Variants in IQCM observed in about 807,000 individuals in gnomAD.
The protein encoded by IQCM is IQ motif containing M.
Under a neutral mutation model 57.6 loss-of-function variants are expected in IQCM, and 45 were observed. The observed-to-expected ratio is 0.78, with a 90% CI of 0.62 to 1.00. The LOEUF (loss-of-function observed/expected upper bound fraction) is 1.00. IQCM is among the 50% of genes least tolerant of loss of function. The pLI is 0.00. For synonymous variants in IQCM, 148 were observed against 158.9 expected, an observed-to-expected ratio of 0.93 and a Z score of 0.51; for missense variants, 468 against 511.6, an observed-to-expected ratio of 0.91 and a Z score of 0.82.
intron 12 of IQCM, among the ~76,000 whole-genome samples, chr4:149,463,845 A>C (rs1329405288): frequency 6.6e-6 from 1 of 152,210 alleles, no homozygotes. Context: ...CAATTGTCAT[A>C]CCAGATGTTC....
chr4:149,692,814 A>C (rs1197120297), intron 5 of IQCM, among the ~76,000 whole-genome samples: 1 of 152,166 alleles, frequency 6.6e-6, no homozygotes, highest in Non-Finnish European at 1.5e-5. Context: ...CAATTCCACC[A>C]AACTAGAATT....
At chr4:149,808,536 T>C (rs1774282881) in intron 2 of IQCM, among the ~76,000 whole-genome samples, 1 of 152,138 alleles carries the variant, frequency 6.6e-6, no homozygotes, top group African/African-American at 2.4e-5. Context: ...TTTCAAAATA[T>C]CTAGAAGAGA....
chr4:149,682,226 C>A lies in IQCM; in HGVS notation c.477-20G>T. The A allele has an allele frequency of 9.3e-7, 1 of 1,077,010 alleles. No individual in the cohort carries two copies. The highest frequency in any genetic ancestry group is 1.2e-6 in the Non-Finnish European group (1 of 847,324). The allele number at this position is 1,077,010 out of a possible 1,614,324, so 66.7% of individuals were successfully genotyped here. On this transcript the variant is annotated intron_variant, in intron 6 of 13. Transcript: ENST00000636793. The stretch of plus-strand genomic sequence containing the variant: ...CTGTTTCTGAAACATTAAGTTGGAT[C>A]TTTAAGTAATTTGATAGTCCCTATT...
intron 2 of IQCM, among the ~76,000 whole-genome samples, chr4:149,812,032 C>T (rs1774610773): frequency 6.6e-6 from 1 of 152,178 alleles, no homozygotes; most frequent in Non-Finnish European, 1.5e-5. Context: ...ACATACTCAG[C>T]CTCCATTCCT....
At chr4:149,435,645 C>T (rs993131063) in intron 12 of IQCM, among the ~76,000 whole-genome samples, 2 of 150,794 alleles carry the variant, frequency 1.3e-5, no homozygotes, top group East Asian at 2.0e-4. Context: ...GCATTGTTAT[C>T]ATAGGAGATG....
chr4:149,399,834 C>A (rs557647956), intron 13 of IQCM, among the ~76,000 whole-genome samples: 5 of 152,204 alleles, frequency 3.3e-5, no homozygotes, highest in African/African-American at 1.2e-4. Flanking sequence ...GTGCTTAGCA[C>A]AGTGCCTAAA....
chr4:149,565,592 T>C (rs1409420193), intron 9 of IQCM, among the ~76,000 whole-genome samples: 1 of 152,188 alleles, frequency 6.6e-6, no homozygotes. Context: ...CCCACTAGAA[T>C]GGAGATCAGC....
At chr4:149,513,916 A>G (rs2149814548) in intron 12 of IQCM, among the ~76,000 whole-genome samples, 1 of 152,270 alleles carries the variant, frequency 6.6e-6, no homozygotes, top group South Asian at 2.1e-4. Flanking sequence ...ATATTAGGAT[A>G]ATGTTGCTCT....
At chr4:149,753,068 G>C (rs1225926607) in intron 2 of IQCM, among the ~76,000 whole-genome samples, 2 of 152,148 alleles carry the variant, frequency 1.3e-5, no homozygotes, top group African/African-American at 4.8e-5. Context: ...AAAGTGGTGA[G>C]CATTAGAAGT....
intron 13 of IQCM, among the ~76,000 whole-genome samples, chr4:149,414,833 TAA>T (rs1733631300): frequency 6.6e-6 from 1 of 152,060 alleles, no homozygotes; most frequent in Non-Finnish European, 1.5e-5. Context: ...TTTAATAGAT[TAA>T]AAGTTTTAAT....
chr4:149,524,748 C>A (rs1348012526), intron 12 of IQCM, among the ~76,000 whole-genome samples: 2 of 151,688 alleles, frequency 1.3e-5, no homozygotes, highest in Admixed American at 6.6e-5. Context: ...CATAGAAAAT[C>A]TTTGCAAGCT....
intron 12 of IQCM, among the ~76,000 whole-genome samples, chr4:149,497,613 C>T (rs1210819229): frequency 6.6e-6 from 1 of 151,956 alleles, no homozygotes; most frequent in Non-Finnish European, 1.5e-5. Context: ...ATTCAGTTAC[C>T]TCCCACTGGG....
intron 12 of IQCM, among the ~76,000 whole-genome samples, chr4:149,497,094 T>G (rs1742735342): frequency 6.6e-6 from 1 of 152,084 alleles, no homozygotes; most frequent in Middle Eastern, 3.2e-3. Flanking sequence ...GCCCTCTGTC[T>G]CTCCTTTCTT....
chr4:149,507,706 A>T (rs902509665), intron 12 of IQCM, among the ~76,000 whole-genome samples: 1 of 152,172 alleles, frequency 6.6e-6, no homozygotes, highest in African/African-American at 2.4e-5. Flanking sequence ...AATTTGCAGC[A>T]TGACAATGCA....
chr4:149,389,097 T>C (rs1731657693), intron 13 of IQCM, among the ~76,000 whole-genome samples: 2 of 151,946 alleles, frequency 1.3e-5, no homozygotes, highest in South Asian at 4.1e-4. Context: ...TTATGTTTTA[T>C]TCTAGAAATT....
intron 12 of IQCM, among the ~76,000 whole-genome samples, chr4:149,454,197 T>C (rs1410165747): frequency 6.8e-6 from 1 of 147,980 alleles, no homozygotes; most frequent in South Asian, 2.2e-4. Context: ...CACACACACA[T>C]ATAAACACAT....
intron 12 of IQCM, among the ~76,000 whole-genome samples, chr4:149,547,758 T>C (rs2654806): frequency 0.21 from 32,449 of 152,092 alleles, 4,332 homozygotes; most frequent in Non-Finnish European, 0.29. Context: ...TCCCAAATCA[T>C]CATATTACAT....
At chr4:149,653,133 G>C (rs1341343496) in intron 7 of IQCM, among the ~76,000 whole-genome samples, 1 of 152,134 alleles carries the variant, frequency 6.6e-6, no homozygotes, top group Non-Finnish European at 1.5e-5. Flanking sequence ...AAAATTTTGA[G>C]AGGGAAAAGA....
chr4:149,775,499 T>A (rs985281449), intron 2 of IQCM, among the ~76,000 whole-genome samples: 1 of 152,200 alleles, frequency 6.6e-6, no homozygotes, highest in Non-Finnish European at 1.5e-5. Flanking sequence ...AACCATCACT[T>A]CTAAATTCCC....
Sources: allele counts gnomAD v4.1 joint callset (sites outside exome capture counted in the v4.1 genomes callset), GRCh38; gene constraint gnomAD v4.1.1; transcripts MANE v1.5; gene names NCBI Gene and HGNC (gene_info 2026-07-23, HGNC 2026-07-21).